The following MAF variants were observed in gnomAD, a reference collection of about 807,000 sequenced individuals.
MAF encodes MAF bZIP transcription factor.
In MAF, 10 loss-of-function variants were observed where a neutral mutation model predicts 22.0. The ratio of observed to expected loss-of-function variants is 0.45; its 90% CI spans 0.28 to 0.77. The LOEUF is 0.77. Ranked by LOEUF, MAF falls within the 30% of genes least tolerant of loss-of-function variation. The probability of loss-of-function intolerance (pLI) is 0.12; values close to 1 mark genes in which losing one functional copy is unlikely to be tolerated. For synonymous variants in MAF, 337 were observed against 255.8 expected (o/e 1.32, Z -3.03); for missense variants, 544 against 548.4 (o/e 0.99, Z 0.08).
the MAF span, among the ~76,000 whole-genome samples, chr16:79,570,121 C>T: frequency 6.6e-6 from 1 of 151,500 alleles, no homozygotes; most frequent in Non-Finnish European, 1.5e-5. Flanking sequence ...GTTAAGAAAG[C>T]CATTAAATTG....
chr16:79,598,835 G>A lies in MAF; in HGVS notation c.1068C>T (p.Phe356=). The change falls in exon 1 of 2, where the codon TTC becomes TTT. Residue 356 remains phenylalanine (F), a synonymous_variant. Transcript: ENST00000326043. The part of the protein sequence containing the change: ...EKYEKLVSSG[F]RENGSSSDNP... The stretch of plus-strand genomic sequence containing the variant: ...TGTCGCTGCTCGAGCCGTTTTCTCG[G>A]AAGCCGCTGCTCACCAACTTCTCGT... 6.2e-7 allele frequency: 1 copy of A among 1,613,842 alleles called. No individual in the cohort carries two copies. Among genetic ancestry groups the A allele is most frequent in the Non-Finnish European group, 8.5e-7 (1 of 1,179,992 alleles).
the MAF span, among the ~76,000 whole-genome samples, chr16:79,518,162 G>A: frequency 6.6e-6 from 1 of 152,216 alleles, no homozygotes; most frequent in Non-Finnish European, 1.5e-5. Flanking sequence ...TGAAGAAGTA[G>A]AGATTTTGAG....
At chr16:79,419,558 G>C in the MAF span, among the ~76,000 whole-genome samples, 1 of 152,150 alleles carries the variant, frequency 6.6e-6, no homozygotes, top group African/African-American at 2.4e-5. Flanking sequence ...CAACTCTCTG[G>C]TGTCTAGGAT....
At chr16:79,270,316 G>A in the MAF span, among the ~76,000 whole-genome samples, 1 of 152,148 alleles carries the variant, frequency 6.6e-6, no homozygotes, top group African/African-American at 2.4e-5. Flanking sequence ...GGGTGGCTGT[G>A]TGTGATATAT....
chr16:79,438,739 G>C, the MAF span, among the ~76,000 whole-genome samples: 2 of 152,222 alleles, frequency 1.3e-5, no homozygotes, highest in South Asian at 4.2e-4. Context: ...GATGATCCCT[G>C]CCCATGTCCC....
the MAF span, among the ~76,000 whole-genome samples, chr16:79,256,434 G>A: frequency 3.3e-5 from 5 of 152,066 alleles, no homozygotes; most frequent in Admixed American, 1.3e-4. Context: ...TAGCGGGTTC[G>A]TACCTAATGG....
chr16:79,559,559 C>T, the MAF span, among the ~76,000 whole-genome samples: 2 of 152,072 alleles, frequency 1.3e-5, no homozygotes, highest in African/African-American at 2.4e-5. Context: ...AAGCTTGAGG[C>T]TTCCACTGTT....
the MAF span, among the ~76,000 whole-genome samples, chr16:79,298,961 G>A: frequency 1.4e-4 from 21 of 152,372 alleles, no homozygotes; most frequent in Non-Finnish European, 2.2e-4. Context: ...CCCCCTGAGC[G>A]CCTGGCCCAC....
chr16:79,400,446 C>A, the MAF span, among the ~76,000 whole-genome samples: 2 of 152,232 alleles, frequency 1.3e-5, no homozygotes, highest in African/African-American at 2.4e-5. Context: ...TAGTAAACTA[C>A]GCCCTGTTGT....
chr16:79,332,048 G>C, the MAF span, among the ~76,000 whole-genome samples: 10 of 151,948 alleles, frequency 6.6e-5, no homozygotes, highest in African/African-American at 2.4e-4. Flanking sequence ...CAGAAACTTT[G>C]TTTTTGTTTT....
chr16:79,303,668 C>G, the MAF span, among the ~76,000 whole-genome samples: 1 of 152,196 alleles, frequency 6.6e-6, no homozygotes, highest in Non-Finnish European at 1.5e-5. Flanking sequence ...TTCATATAGA[C>G]TGTCAGGAGT....
the MAF span, among the ~76,000 whole-genome samples, chr16:79,493,329 C>A: frequency 1.3e-5 from 2 of 152,080 alleles, no homozygotes; most frequent in East Asian, 3.9e-4. Context: ...TTACAGGTGC[C>A]TGCCACCACG....
At chr16:79,297,949 A>G in the MAF span, among the ~76,000 whole-genome samples, 1 of 152,214 alleles carries the variant, frequency 6.6e-6, no homozygotes, top group Non-Finnish European at 1.5e-5. Flanking sequence ...AGGAGTTAAT[A>G]TTTGCAAAAA....
the MAF span, among the ~76,000 whole-genome samples, chr16:79,370,542 C>G: frequency 3.9e-5 from 6 of 152,176 alleles, no homozygotes; most frequent in African/African-American, 4.8e-5. Context: ...CTATAAGGAG[C>G]ATAACTGAAG....
chr16:79,503,906 C>G, the MAF span, among the ~76,000 whole-genome samples: 1 of 152,046 alleles, frequency 6.6e-6, no homozygotes, highest in Non-Finnish European at 1.5e-5. Flanking sequence ...ATCCTATAAA[C>G]CACTTATAAA....
the MAF span, among the ~76,000 whole-genome samples, chr16:79,279,253 C>A: frequency 6.6e-6 from 1 of 152,136 alleles, no homozygotes; most frequent in Non-Finnish European, 1.5e-5. Flanking sequence ...CTAGTCAGCT[C>A]TCCATTGTTT....
chr16:79,270,356 T>C, the MAF span, among the ~76,000 whole-genome samples: 2 of 152,110 alleles, frequency 1.3e-5, no homozygotes, highest in Non-Finnish European at 1.5e-5. Context: ...GTAGCAAGGC[T>C]TGCAGTCAAG....
chr16:79,262,616 G>C, the MAF span, among the ~76,000 whole-genome samples: 2 of 152,150 alleles, frequency 1.3e-5, no homozygotes, highest in African/African-American at 4.8e-5. Context: ...AATGAGAGAG[G>C]GGTGGACGTG....
At chr16:79,379,064 T>A in the MAF span, among the ~76,000 whole-genome samples, 2 of 152,240 alleles carry the variant, frequency 1.3e-5, no homozygotes, top group African/African-American at 2.4e-5. Flanking sequence ...GGCATCAGCT[T>A]TTTAAAGATC....
Sources: allele counts gnomAD v4.1 joint callset (sites outside exome capture counted in the v4.1 genomes callset), GRCh38; gene constraint gnomAD v4.1.1; transcripts MANE v1.5; gene names NCBI Gene and HGNC (gene_info 2026-07-23, HGNC 2026-07-21).